PIGN: variants seen among roughly 807,000 people sequenced by gnomAD.
The protein encoded by PIGN is phosphatidylinositol glycan anchor biosynthesis class N.
In PIGN, 117 loss-of-function variants were observed where a neutral mutation model predicts 125.4. The ratio of observed to expected loss-of-function variants is 0.93; its 90% confidence interval spans 0.80 to 1.09. The LOEUF (loss-of-function observed/expected upper bound fraction) is 1.09, where lower values mean the gene tolerates loss of function less well. Ranked by LOEUF, PIGN falls within the 50% of genes least tolerant of loss-of-function variation. The pLI, the probability that PIGN is intolerant of heterozygous loss-of-function variation, is 0.00. For missense variants in PIGN, 1,075 were observed against 1,094.9 expected (o/e 0.98, Z 0.26); for synonymous variants, 392 against 377.8 (o/e 1.04, Z -0.44).
At chr18:62,163,899 T>A (rs766519009) in intron 1 of PIGN, among the ~76,000 whole-genome samples, 3 of 152,234 alleles carry the variant, frequency 2.0e-5, no homozygotes, top group Non-Finnish European at 2.9e-5. Flanking sequence ...GTATAACTAT[T>A]CTTGCTACTT....
intron 29 of PIGN, among the ~76,000 whole-genome samples, chr18:62,073,093 C>T (rs1242180387): frequency 6.6e-6 from 1 of 152,040 alleles, no homozygotes; most frequent in Non-Finnish European, 1.5e-5. Context: ...GTGTGCCGAT[C>T]ACTGTCTTAG....
At chr18:62,159,072 C>A (rs12607564) in intron 4 of PIGN, among the ~76,000 whole-genome samples, 44,419 of 152,050 alleles carry the variant, frequency 0.29, 7,887 homozygotes, top group East Asian at 0.72. Context: ...GGTGAAACCC[C>A]GTCTCTACCA....
rs1353326011 is a variant in PIGN at position 62,043,592 on chromosome 18, A to G, written c.*2264T>C. The G allele has an allele frequency of 6.6e-6, 1 of 152,250 alleles. No homozygotes were observed. The highest frequency in any genetic ancestry group is 2.4e-5 in the African/African-American group (1 of 41,472). The allele number at this position is 152,250 out of a possible 1,614,324, so 9.4% of individuals were successfully genotyped here. On this transcript the variant is annotated 3_prime_UTR_variant, in exon 31 of 31. Transcript: ENST00000640252. ...TTACTATGAAAATATACAATCATTT[A>G]TAACATTATTTTCCTAAAAAATAAA...
At chr18:62,136,276 C>T (rs1344011665) in intron 14 of PIGN, 1 of 152,048 alleles carries the variant, frequency 6.6e-6, no homozygotes, top group African/African-American at 2.4e-5. Context: ...TTTTACTCTC[C>T]TATACACATA....
At chr18:62,097,750 A>G (rs1348771987) in intron 22 of PIGN, among the ~76,000 whole-genome samples, 1 of 152,138 alleles carries the variant, frequency 6.6e-6, no homozygotes, top group African/African-American at 2.4e-5. Context: ...ATGCACTGAC[A>G]GTTGCAGTAT....
chr18:62,164,829 T>C (rs2037075179), intron 1 of PIGN, among the ~76,000 whole-genome samples: 3 of 152,180 alleles, frequency 2.0e-5, no homozygotes, highest in African/African-American at 7.2e-5. Flanking sequence ...AAGGAGACTA[T>C]TAGAAAGCTA....
rs375496482 is a variant in PIGN, at chr18:62,147,007, A to T, written c.769T>A (p.Phe257Ile). 5 of 1,612,378 alleles carry T rather than the reference A, an allele frequency of 3.1e-6. No individual in the cohort carries two copies. The change falls in exon 9 of 31, where the codon TTT (phenylalanine) becomes ATT (isoleucine). Residue 257 changes from phenylalanine to isoleucine, a missense_variant. Physicochemically the swap from Phe to Ile is conservative, Grantham distance 21. Coordinates refer to ENST00000640252, the MANE Select transcript of PIGN (RefSeq NM_176787.5). ...ATTCCATGGTCAGAGGTAAAGATAA[A>T]TGTTGTTTTCCCATCATTTCCATAG... ...HFYGNDGKTT[F>I]IFTSDHGMTD...
chr18:62,098,218 T>C (rs1242145082), intron 22 of PIGN, among the ~76,000 whole-genome samples: 1 of 152,220 alleles, frequency 6.6e-6, no homozygotes, highest in Non-Finnish European at 1.5e-5. Context: ...ACATGTAATG[T>C]CAATTTCACC....
chr18:62,086,627 T>G (rs919003996), intron 25 of PIGN, among the ~76,000 whole-genome samples: 5 of 151,606 alleles, frequency 3.3e-5, no homozygotes, highest in South Asian at 4.2e-4. Context: ...TGTTTTTTTT[T>G]TTTTTTTAAA....
At chr18:62,070,896 C>T (rs1055468660) in intron 30 of PIGN, among the ~76,000 whole-genome samples, 1 of 152,042 alleles carries the variant, frequency 6.6e-6, no homozygotes, top group Non-Finnish European at 1.5e-5. Flanking sequence ...CTTTTGACCT[C>T]CCAGGCTCAA....
chr18:62,059,065 C>T (rs11664641), intron 30 of PIGN: 47,045 of 150,128 alleles, frequency 0.31, 8,501 homozygotes, highest in East Asian at 0.64. Context: ...TCACGGCACA[C>T]AGCTGTGGTC....
At chr18:62,121,934 T>C (rs2035322076) in intron 14 of PIGN, among the ~76,000 whole-genome samples, 1 of 152,158 alleles carries the variant, frequency 6.6e-6, no homozygotes, top group East Asian at 1.9e-4. Context: ...ATTTAGTTTT[T>C]TGAGGAACCT....
At position 62,147,101 on chromosome 18, in the gene PIGN, T is replaced by A. The variant is rs919788076; in HGVS notation, c.675A>T (p.Arg225Ser). 6.3e-7 allele frequency: 1 copy of A among 1,594,408 alleles called. No individual in the cohort carries two copies. The highest frequency in any genetic ancestry group is 8.6e-7 in the Non-Finnish European group (1 of 1,166,724). ...TNGHAHRPSSRDYKHNIKKVD... is the reference protein window; with the variant it reads ...TNGHAHRPSSSDYKHNIKKVD... ...CTTTTTTAATATTGTGCTTGTAGTC[T>A]CTATTTGTAAAGAAACAGAGGAACA... The change falls in exon 9 of 31, where the codon AGA (arginine) becomes AGT (serine). Residue 225 changes from arginine to serine, a missense_variant and splice_region_variant. Physicochemically the swap from Arg to Ser is moderately radical, Grantham distance 110. Transcript: ENST00000640252.
At chr18:62,095,437 T>G (rs1296976895) in intron 23 of PIGN, among the ~76,000 whole-genome samples, 1 of 150,928 alleles carries the variant, frequency 6.6e-6, no homozygotes, top group Non-Finnish European at 1.5e-5. Context: ...AATGAATATC[T>G]GAACTGTGAG....
At chr18:62,130,584 T>C (rs1279968617) in intron 14 of PIGN, among the ~76,000 whole-genome samples, 2 of 152,136 alleles carry the variant, frequency 1.3e-5, no homozygotes, top group Non-Finnish European at 2.9e-5. Flanking sequence ...GCACATTACT[T>C]TGCTGTAATT....
intron 14 of PIGN, chr18:62,118,625 T>G (rs561792929): frequency 4.2e-4 from 64 of 152,220 alleles, no homozygotes; most frequent in Middle Eastern, 3.4e-3. Context: ...AAATTAAAGT[T>G]TTTAGCTGCC....
At chr18:62,104,752 C>A (rs183472430) in intron 20 of PIGN, among the ~76,000 whole-genome samples, 10 of 152,118 alleles carry the variant, frequency 6.6e-5, no homozygotes, top group African/African-American at 2.4e-4. Context: ...CCATTACAGA[C>A]TTGGTTAGAA....
chr18:62,018,175 C>G (rs1599373260), intron 23 of PIGN, among the ~76,000 whole-genome samples: 1 of 152,310 alleles, frequency 6.6e-6, no homozygotes, highest in Admixed American at 6.5e-5. Context: ...ACAGGGAAAG[C>G]AGGGCTGGCT....
intron 14 of PIGN, among the ~76,000 whole-genome samples, chr18:62,133,282 G>A (rs1027732343): frequency 3.9e-5 from 6 of 152,122 alleles, no homozygotes; most frequent in African/African-American, 1.4e-4. Context: ...ATAAGTCAAG[G>A]TGCACGTTGT....
Sources: allele counts gnomAD v4.1 joint callset (sites outside exome capture counted in the v4.1 genomes callset), GRCh38; gene constraint gnomAD v4.1.1; transcripts MANE v1.5; gene names NCBI Gene and HGNC (gene_info 2026-07-23, HGNC 2026-07-21).